CCDC9: variants seen among roughly 807,000 people sequenced by gnomAD.
The protein encoded by CCDC9 is coiled-coil domain-containing protein 9.
Under a neutral mutation model 65.6 loss-of-function variants are expected in CCDC9, and 52 were observed. That is an observed-to-expected ratio of 0.79 (90% CI 0.63 to 1.00). The LOEUF (loss-of-function observed/expected upper bound fraction) is 1.00. CCDC9 is among the 50% of genes least tolerant of loss of function. The pLI, the probability that CCDC9 is intolerant of heterozygous loss-of-function variation, is 0.00. For synonymous variants in CCDC9, 332 were observed against 280.3 expected (o/e 1.18, Z -1.84); for missense variants, 834 against 757.2 (o/e 1.10, Z -1.19).
downstream of CCDC9, chr19:47,271,957 C>T (rs2059127120): frequency 2.3e-6 from 3 of 1,287,888 alleles, no homozygotes; most frequent in South Asian, 5.8e-5. Context: ...CCTCCAATGA[C>T]ATTCCCCCAG....
intron 1 of CCDC9, chr19:47,257,546 G>A (rs2059018860): frequency 6.6e-6 from 1 of 152,558 alleles, no homozygotes; most frequent in African/African-American, 2.4e-5. Flanking sequence ...GCCGGATTGA[G>A]GCTGGAGCTT....
downstream of CCDC9, chr19:47,274,979 CGA>C: frequency 3.4e-6 from 5 of 1,455,390 alleles, no homozygotes; most frequent in Non-Finnish European, 4.5e-6. Flanking sequence ...CGGGGCTGAG[CGA>C]GGGCCCGCGG....
downstream of CCDC9, among the ~76,000 whole-genome samples, chr19:47,274,177 G>A (rs577896470): frequency 6.6e-6 from 1 of 152,348 alleles, no homozygotes; most frequent in South Asian, 2.1e-4. Context: ...GAGGGGCGGA[G>A]CTGGAACCTC....
At chr19:47,273,023 G>A (rs1182277112), downstream of CCDC9, among the ~76,000 whole-genome samples, 2 of 150,076 alleles carry the variant, frequency 1.3e-5, no homozygotes, top group South Asian at 4.3e-4. Flanking sequence ...GGTTGATGAA[G>A]GCCGTGAGAT....
Position 47,260,726 on chromosome 19 carries a change from G to T in CCDC9, c.349G>T (p.Gly117Trp). The T allele has an allele frequency of 6.3e-7, 1 of 1,594,928 alleles. No homozygotes were observed. Among genetic ancestry groups the T allele is most frequent in the African/African-American group, 1.3e-5 (1 of 74,252 alleles). The change falls in exon 5 of 12, where the codon GGG (glycine) becomes TGG (tryptophan). Residue 117 changes from glycine to tryptophan, a missense_variant. By Grantham distance (184) the Gly-to-Trp change is radical. Transcript: ENST00000221922. Reference sequence around the variant, plus strand: ...ATCGCGCAGCTGGGAGGGCAGCCCCGGGGAGCAGCCTCGAGGAGGAGGAGC... The same window carrying T: ...ATCGCGCAGCTGGGAGGGCAGCCCCTGGGAGCAGCCTCGAGGAGGAGGAGC... ...RASRSWEGSP[G>W]EQPRGGGAGG...
downstream of CCDC9, among the ~76,000 whole-genome samples, chr19:47,272,574 A>G (rs1268049237): frequency 1.3e-5 from 2 of 152,116 alleles, no homozygotes; most frequent in African/African-American, 4.8e-5. Flanking sequence ...GTGAGCCGAG[A>G]TCGCTCCACT....
chr19:47,275,286 C>T (rs748465000), downstream of CCDC9: 8 of 1,546,018 alleles, frequency 5.2e-6, 1 homozygote, highest in African/African-American at 4.1e-5. Flanking sequence ...CCCTGACCGC[C>T]GTCCGAGCCG....
downstream of CCDC9, chr19:47,275,241 C>T (rs1343119335): frequency 1.3e-6 from 2 of 1,536,808 alleles, no homozygotes; most frequent in Non-Finnish European, 1.8e-6. Flanking sequence ...ACCCCAGCTC[C>T]AGCTGCCGCT....
chr19:47,274,975 T>C (rs966876914), downstream of CCDC9: 2 of 1,446,778 alleles, frequency 1.4e-6, no homozygotes, highest in Non-Finnish European at 1.8e-6. Context: ...GGCGCGGGGC[T>C]GAGCGAGGGC....
chr19:47,258,707 C>T (rs746370046), intron 3 of CCDC9, 44 bp downstream of exon 3: 27 of 1,454,942 alleles, frequency 1.9e-5, no homozygotes, highest in African/African-American at 5.6e-5. Flanking sequence ...CTCTCTTCCC[C>T]GCAGTGAGTT....
At chr19:47,260,058 G>C (rs969405484) in intron 3 of CCDC9, among the ~76,000 whole-genome samples, 1 of 152,186 alleles carries the variant, frequency 6.6e-6, no homozygotes, top group Non-Finnish European at 1.5e-5. Context: ...GAGAGGGTGA[G>C]AGATGAGGTC....
rs752913132 is a variant in CCDC9 at position 47,258,676 on chromosome 19, C to T, written c.108+13C>T. 1.4e-5 allele frequency: 23 copies of T among 1,601,568 alleles called. No homozygotes were observed. Among genetic ancestry groups the T allele is most frequent in the Admixed American group, 6.7e-5 (4 of 59,974 alleles). Reference sequence around the variant, plus strand: ...CCGGCGCTACCAGGTGCCCTAGCCCCGCCCTGGGAGACCCCATCCCCTCTC... The same window carrying T: ...CCGGCGCTACCAGGTGCCCTAGCCCTGCCCTGGGAGACCCCATCCCCTCTC... On this transcript the variant is annotated intron_variant, in intron 3 of 11. Coordinates refer to ENST00000221922, the MANE Select transcript of CCDC9 (RefSeq NM_015603.3).
downstream of CCDC9, among the ~76,000 whole-genome samples, chr19:47,272,443 G>A (rs1389345667): frequency 6.6e-6 from 1 of 152,108 alleles, no homozygotes; most frequent in Non-Finnish European, 1.5e-5. Flanking sequence ...CGAGCTCAGG[G>A]GTTTTGGAAA....
downstream of CCDC9, chr19:47,275,376 C>G: frequency 1.3e-6 from 2 of 1,529,482 alleles, no homozygotes; most frequent in South Asian, 2.4e-5. Context: ...ACCCGGATCG[C>G]CAGCCCTCGA....
chr19:47,271,617 G>T lies in CCDC9; in HGVS notation c.1535G>T (p.Arg512Leu), dbSNP rs759783907. The change falls in exon 12 of 12, where the codon CGG becomes CTG. Residue 512 changes from arginine (R) to leucine (L), a missense_variant. Physicochemically the swap from Arg to Leu is moderately radical, Grantham distance 102. Transcript: ENST00000221922. ...WGEEVELNSP[R>L]TTHLAGALSP... The stretch of plus-strand genomic sequence containing the variant: ...GAAGAGGTGGAGCTGAATTCTCCCC[G>T]GACCACTCACCTGGCTGGCGCCCTC... 1.2e-6 allele frequency: 2 copies of T among 1,610,576 alleles called. No homozygotes were observed. Among genetic ancestry groups the T allele is most frequent in the South Asian group, 2.2e-5 (2 of 90,980 alleles).
chr19:47,258,738 T>TA, intron 3 of CCDC9, 75 bp downstream of exon 3: 1 of 1,109,646 alleles, frequency 9.0e-7, no homozygotes, highest in Non-Finnish European at 1.4e-6. Context: ...CTCCCTTCCT[T>TA]AAAACCTTTT....
rs1555803412 is a variant in CCDC9, at chr19:47,271,688, C to CGTGT, written c.*10_*11insGTGT. ...TTTTGAGAGTGTATGAAGCTGGCTG[C>CGTGT]CTGTGTGTGTGTGTGTGTGTGTGTG... On this transcript the variant is annotated 3_prime_UTR_variant, in exon 12 of 12. Transcript: ENST00000221922. 1.8e-5 allele frequency: 24 copies of CGTGT among 1,367,590 alleles called. No individual in the cohort carries two copies. Among genetic ancestry groups the CGTGT allele is most frequent in the Admixed American group, 1.4e-4 (7 of 49,154 alleles). 84.7% of individuals were successfully genotyped at this position (1,367,590 alleles called of 1,614,324 possible). A position where few individuals can be genotyped will look rare whatever the true frequency, so the allele number is the denominator to read the frequency against.
chr19:47,274,967 C>A, downstream of CCDC9: 2 of 1,432,472 alleles, frequency 1.4e-6, no homozygotes, highest in South Asian at 1.4e-5. Flanking sequence ...GCCCCGGAGG[C>A]GCGGGGCTGA....
At chr19:47,271,049 C>T (rs1456846217) in intron 10 of CCDC9, 33 bp from the exon 11 acceptor site, 2 of 1,469,660 alleles carry the variant, frequency 1.4e-6, no homozygotes, top group Admixed American at 4.7e-5. Context: ...CTACTCTCCA[C>T]CCAGGCATCA....
Sources: gnomAD v4.1 joint callset for allele counts (sites outside exome capture counted in the v4.1 genomes callset) on GRCh38, gnomAD v4.1.1 for gene constraint, MANE v1.5 for transcripts, NCBI Gene and HGNC (gene_info 2026-07-23, HGNC 2026-07-21) for gene names.